Variants in HMCN1 observed in about 807,000 individuals in gnomAD.
HMCN1 encodes hemicentin-1.
A neutral mutation model predicts 625.9 loss-of-function variants in HMCN1; 321 were observed. The observed-to-expected ratio is 0.51, with a 90% CI of 0.47 to 0.56. The LOEUF is 0.56. HMCN1 is among the 20% of genes least tolerant of loss of function. The pLI is 0.00. For synonymous variants in HMCN1, 2,425 were observed against 2,417.6 expected, an observed-to-expected ratio of 1.00 and a Z score of -0.09; for missense variants, 6,588 against 6,887.3, an observed-to-expected ratio of 0.96 and a Z score of 1.54.
At chr1:185,869,897 G>C (rs1209934734) in intron 4 of HMCN1, among the ~76,000 whole-genome samples, 2 of 151,886 alleles carry the variant, frequency 1.3e-5, no homozygotes, top group East Asian at 3.9e-4. Context: ...TTCATCTACT[G>C]TTTCTAAAGG....
chr1:185,789,505 A>C (rs1350676814), intron 1 of HMCN1, among the ~76,000 whole-genome samples: 2 of 152,248 alleles, frequency 1.3e-5, no homozygotes, highest in Non-Finnish European at 2.9e-5. Flanking sequence ...CACATTGATC[A>C]CTTCGTGACT....
rs778366975 is a variant in HMCN1 at position 185,957,812 on chromosome 1, C to G, written c.1829-4706C>G. On this transcript the variant is annotated intron_variant, in intron 11 of 106. Transcript: ENST00000271588. ...TTGCAACAAAAAAGGAAATATTTCT[C>G]AAGATGGTTGATGAAGTCAGTATTT... Among the ~76,000 whole-genome samples the G allele has an allele frequency of 1.2e-3, 182 of 152,208 alleles. 1 individual carries two copies. The highest frequency in any genetic ancestry group is 6.8e-3 in the Middle Eastern group (2 of 294).
chr1:186,122,793 T>A (rs527614437), intron 80 of HMCN1, among the ~76,000 whole-genome samples, 158 bp from the exon 81 acceptor site: 1 of 152,342 alleles, frequency 6.6e-6, no homozygotes, highest in South Asian at 2.1e-4. Flanking sequence ...GATAATTTTT[T>A]GTTCCCATGA....
chr1:185,763,364 A>G (rs956099314), intron 1 of HMCN1, among the ~76,000 whole-genome samples: 4 of 152,174 alleles, frequency 2.6e-5, no homozygotes, highest in African/African-American at 7.2e-5. Flanking sequence ...GATTTCAAAA[A>G]TGAGGATTTA....
intron 20 of HMCN1, among the ~76,000 whole-genome samples, chr1:185,988,178 C>T (rs1652139138): frequency 6.6e-6 from 1 of 152,190 alleles, no homozygotes; most frequent in African/African-American, 2.4e-5. Context: ...GGTATAGTCA[C>T]AAATTCTATG....
At chr1:186,013,871 A>G (rs1654162837) in intron 30 of HMCN1, among the ~76,000 whole-genome samples, 1 of 152,182 alleles carries the variant, frequency 6.6e-6, no homozygotes, top group Non-Finnish European at 1.5e-5. Flanking sequence ...GACTCAATAA[A>G]TAAAGTGAAA....
chr1:186,079,694 G>A (rs147732923), intron 55 of HMCN1, among the ~76,000 whole-genome samples: 10 of 152,194 alleles, frequency 6.6e-5, no homozygotes, highest in Non-Finnish European at 1.5e-4. Flanking sequence ...GAAAGATTGC[G>A]ATTCAGTGAA....
chr1:186,178,379 C>CT lies in HMCN1; in HGVS notation c.15944-28dup, dbSNP rs146846253. On this transcript the variant is annotated intron_variant, in intron 103 of 106. Coordinates refer to ENST00000271588, the MANE Select transcript of HMCN1 (RefSeq NM_031935.3). Reference sequence around the variant, plus strand: ...GTGTTTTGTGTGTGTATGTATGTGTCTTTTTTTTTCTTTTTTATATCATGG... The same window carrying CT: ...GTGTTTTGTGTGTGTATGTATGTGTCTTTTTTTTTTCTTTTTTATATCATGG... The CT allele has an allele frequency of 6.7e-3, 9,476 of 1,418,018 alleles. 252 individuals are homozygous for CT. The African/African-American group carries it at 0.082, about 12-fold the overall frequency. The allele number at this position is 1,418,018 out of a possible 1,614,324, so 87.8% of individuals were successfully genotyped here.
intron 4 of HMCN1, among the ~76,000 whole-genome samples, chr1:185,904,194 A>G (rs187521868): frequency 2.0e-5 from 3 of 151,908 alleles, no homozygotes. Flanking sequence ...TTCTAAGCAA[A>G]ATTGGAAGCA....
chr1:185,898,651 G>A (rs956596789), intron 4 of HMCN1, among the ~76,000 whole-genome samples: 5 of 152,110 alleles, frequency 3.3e-5, no homozygotes, highest in African/African-American at 1.2e-4. Context: ...TTCAGCTCAG[G>A]AAGGAACCCA....
Position 186,041,020 on chromosome 1 carries a change from C to T in HMCN1, c.6188C>T (p.Ser2063Phe). The change falls in exon 40 of 107, where the codon TCT (serine) becomes TTT (phenylalanine). Residue 2063 changes from serine to phenylalanine, a missense_variant. By Grantham distance (155) the Ser-to-Phe change is radical (BLOSUM62 -2). Coordinates refer to ENST00000271588, the MANE Select transcript of HMCN1 (RefSeq NM_031935.3). Reference sequence around the variant, plus strand: ...CGTTCTTACCATTGATAGGTTCTCTCTGGTGGTCGAATCCTAGCATTGACC... The same window carrying T: ...CGTTCTTACCATTGATAGGTTCTCTTTGGTGGTCGAATCCTAGCATTGACC... ...SSFSNGLQVL[S>F]GGRILALTSA... is the part of the protein sequence containing the mutation. 6.2e-7 allele frequency: 1 copy of T among 1,612,956 alleles called. No homozygotes were observed. The highest frequency in any genetic ancestry group is 1.1e-5 in the South Asian group (1 of 91,060).
chr1:185,842,368 C>G (rs531220077), intron 1 of HMCN1, among the ~76,000 whole-genome samples: 63 of 152,208 alleles, frequency 4.1e-4, no homozygotes, highest in Middle Eastern at 3.4e-3. Flanking sequence ...ACCCAGCCAG[C>G]CTGGGCAACA....
intron 97 of HMCN1, among the ~76,000 whole-genome samples, chr1:186,155,602 GC>G (rs1431540279): frequency 6.6e-6 from 1 of 152,142 alleles, no homozygotes; most frequent in Non-Finnish European, 1.5e-5. Flanking sequence ...CATTTTCCAA[GC>G]CTAAAACTGC....
At position 186,041,029 on chromosome 1, in the gene HMCN1, G is replaced by A. The variant is rs555321850; in HGVS notation, c.6197G>A (p.Arg2066Gln). The A allele has an allele frequency of 4.5e-5, 73 of 1,612,684 alleles. No homozygotes were observed. Among genetic ancestry groups the A allele is most frequent in the South Asian group, 9.9e-5 (9 of 91,028 alleles). ...SNGLQVLSGG[R>Q]ILALTSAQIS... ...CATTGATAGGTTCTCTCTGGTGGTC[G>A]AATCCTAGCATTGACCAGTGCACAA... The change falls in exon 40 of 107, where the codon CGA becomes CAA. Residue 2066 changes from arginine (R) to glutamine (Q), a missense_variant. Physicochemically the swap from Arg to Gln is conservative, Grantham distance 43. Around this residue, in one of 3 missense-constraint regions of HMCN1, gnomAD observed 4,628 missense variants for 4,853.1 expected, o/e 0.95. Transcript: ENST00000271588.
At chr1:185,940,909 A>G (rs1668047224) in intron 11 of HMCN1, among the ~76,000 whole-genome samples, 1 of 152,190 alleles carries the variant, frequency 6.6e-6, no homozygotes, top group Admixed American at 6.5e-5. Flanking sequence ...GATTACAGGC[A>G]TGTGCCACCA....
chr1:185,783,824 C>G (rs904241427), intron 1 of HMCN1, among the ~76,000 whole-genome samples: 3 of 152,220 alleles, frequency 2.0e-5, no homozygotes, highest in African/African-American at 7.2e-5. Flanking sequence ...TCTGACCGTT[C>G]TCAGATCTCA....
intron 42 of HMCN1, among the ~76,000 whole-genome samples, chr1:186,052,686 AAT>A (rs1657041020): frequency 6.6e-6 from 1 of 152,018 alleles, no homozygotes; most frequent in African/African-American, 2.4e-5. Context: ...TATATGAGGT[AAT>A]ATATTTTGTA....
chr1:186,053,688 A>G (rs2102280863), intron 43 of HMCN1, 137 bp from the exon 44 acceptor site: 1 of 804,038 alleles, frequency 1.2e-6, no homozygotes, highest in Non-Finnish European at 2.0e-6. Flanking sequence ...TTCATTTTAC[A>G]CACTAGGGCA....
intron 11 of HMCN1, among the ~76,000 whole-genome samples, chr1:185,960,948 GAA>G (rs1649976617): frequency 6.6e-6 from 1 of 152,064 alleles, no homozygotes; most frequent in Non-Finnish European, 1.5e-5. Context: ...ATCACAATTT[GAA>G]CTTACTGGCC....
Sources: allele counts gnomAD v4.1 joint callset (sites outside exome capture counted in the v4.1 genomes callset), GRCh38; gene constraint gnomAD v4.1.1; regional missense constraint gnomAD v4.1.1; transcripts MANE v1.5; gene names NCBI Gene and HGNC (gene_info 2026-07-23, HGNC 2026-07-21).